Variants in PTTG1IP2 observed in about 807,000 individuals in gnomAD.
The protein encoded by PTTG1IP2 is PTTG1IP family member 2.
At chr7:90,492,884 A>G (rs1320003907) in intron 5 of PTTG1IP2, among the ~76,000 whole-genome samples, 2 of 152,036 alleles carry the variant, frequency 1.3e-5, no homozygotes, top group Non-Finnish European at 2.9e-5. Context: ...CCTCAACTCA[A>G]TTCTAAACTT....
chr7:90,493,332 T>C (rs1315331412), intron 5 of PTTG1IP2, among the ~76,000 whole-genome samples: 1 of 152,160 alleles, frequency 6.6e-6, no homozygotes, highest in African/African-American at 2.4e-5. Flanking sequence ...CTAGACCTTG[T>C]TATGTAGAAA....
intron 1 of PTTG1IP2, among the ~76,000 whole-genome samples, chr7:90,474,010 A>G (rs1199625195): frequency 1.3e-5 from 2 of 152,238 alleles, no homozygotes; most frequent in African/African-American, 4.8e-5. Context: ...TTGCTTAATG[A>G]CAGAGGTGTA....
intron 2 of PTTG1IP2, 140 bp downstream of exon 2, chr7:90,479,414 A>G (rs933957260): frequency 3.9e-5 from 6 of 152,502 alleles, no homozygotes; most frequent in African/African-American, 1.2e-4. Context: ...ATTAAGATCT[A>G]TTTATGCATT....
chr7:90,511,248 A>G (rs940979242), intron 6 of PTTG1IP2, among the ~76,000 whole-genome samples: 31 of 152,302 alleles, frequency 2.0e-4, no homozygotes, highest in African/African-American at 7.5e-4. Context: ...AAAAACTTAA[A>G]ATCTAGTTGC....
At chr7:90,512,896 T>C (rs1171610782) in intron 6 of PTTG1IP2, among the ~76,000 whole-genome samples, 1 of 152,236 alleles carries the variant, frequency 6.6e-6, no homozygotes, top group Admixed American at 6.5e-5. Flanking sequence ...TTGGAATAGA[T>C]GGTTTCTTTA....
intron 6 of PTTG1IP2, among the ~76,000 whole-genome samples, chr7:90,501,662 T>C (rs935020137): frequency 6.6e-6 from 1 of 152,136 alleles, no homozygotes; most frequent in East Asian, 1.9e-4. Context: ...GAGTGAGACC[T>C]TGTCTCAAGA....
chr7:90,487,296 A>G (rs1378914792), intron 2 of PTTG1IP2, 31 bp from the exon 3 acceptor site: 1 of 152,624 alleles, frequency 6.6e-6, no homozygotes, highest in Non-Finnish European at 1.5e-5. Flanking sequence ...ATACTTGGAC[A>G]CCACTTTTAT....
In PTTG1IP2 at chr7:90,492,300, A is replaced by G. The variant is rs187260571; in HGVS notation, c.442A>G (p.Ser148Gly). ...AGAAACAGTTCCTATTCACGACCGCAGTGCTACTGGCAAGTGTTTTCGTTT... is the reference window on the plus strand; with the variant it reads ...AGAAACAGTTCCTATTCACGACCGCGGTGCTACTGGCAAGTGTTTTCGTTT... ...RRETVPIHDR[S>G]ATVYDE The change falls in exon 5 of 7, where the codon AGT becomes GGT. Residue 148 changes from serine (S) to glycine (G), a missense_variant. By Grantham distance (56) the Ser-to-Gly change is moderately conservative. Coordinates refer to ENST00000509356, the MANE Select transcript of PTTG1IP2 (RefSeq NM_001365443.2). The G allele has an allele frequency of 9.2e-5, 14 of 152,288 alleles. No individual in the cohort carries two copies. Among genetic ancestry groups the G allele is most frequent in the South Asian group, 6.2e-4 (3 of 4,826 alleles). The allele number at this position is 152,288 out of a possible 1,614,324, so 9.4% of individuals were successfully genotyped here.
chr7:90,492,813 G>C (rs1470467365), intron 5 of PTTG1IP2, among the ~76,000 whole-genome samples: 1 of 152,154 alleles, frequency 6.6e-6, no homozygotes, highest in Non-Finnish European at 1.5e-5. Flanking sequence ...AATTCTTGCA[G>C]GCTTTCCCAG....
chr7:90,472,232 C>A (rs1402179197), intron 1 of PTTG1IP2, among the ~76,000 whole-genome samples: 1 of 151,144 alleles, frequency 6.6e-6, no homozygotes, highest in East Asian at 1.9e-4. Context: ...ACTATGTAAA[C>A]CCTGCACAGC....
At chr7:90,499,008 T>C (rs1029217096) in intron 6 of PTTG1IP2, among the ~76,000 whole-genome samples, 3 of 152,138 alleles carry the variant, frequency 2.0e-5, no homozygotes, top group Admixed American at 2.0e-4. Context: ...CTCACTACCA[T>C]GCCTGGCTAA....
chr7:90,495,918 C>G (rs1355611595), intron 6 of PTTG1IP2, among the ~76,000 whole-genome samples: 1 of 152,114 alleles, frequency 6.6e-6, no homozygotes, highest in Non-Finnish European at 1.5e-5. Flanking sequence ...TTTATAGAAA[C>G]TTTTTAGAAG....
rs545157486 is a variant in PTTG1IP2 at position 90,512,668 on chromosome 7, T to G, written c.*51-610T>G. 3.3e-5 allele frequency among the ~76,000 whole-genome samples: 5 copies of G among 152,158 alleles called. No individual in the cohort carries two copies. The South Asian group carries it at 1.0e-3, about 32-fold the overall frequency. On this transcript the variant is annotated intron_variant, in intron 6 of 6. Coordinates refer to ENST00000509356, the MANE Select transcript of PTTG1IP2 (RefSeq NM_001365443.2). ...GTAGAGAAATATTTGGAAGTAGACATTTGAGATGGAAGAGCAAAGACATGG... is the reference window on the plus strand; with the variant it reads ...GTAGAGAAATATTTGGAAGTAGACAGTTGAGATGGAAGAGCAAAGACATGG...
chr7:90,510,100 AATG>A (rs1232432478), intron 6 of PTTG1IP2, among the ~76,000 whole-genome samples: 2 of 152,180 alleles, frequency 1.3e-5, no homozygotes, highest in Non-Finnish European at 2.9e-5. Context: ...TCATCTGAGC[AATG>A]AATGTCCAGG....
At chr7:90,494,875 T>C (rs1455469776) in intron 6 of PTTG1IP2, among the ~76,000 whole-genome samples, 1 of 152,158 alleles carries the variant, frequency 6.6e-6, no homozygotes, top group Non-Finnish European at 1.5e-5. Context: ...CTGGGCATGG[T>C]TGCATGTGCC....
At chr7:90,502,135 T>C (rs571907337) in intron 6 of PTTG1IP2, among the ~76,000 whole-genome samples, 1 of 152,220 alleles carries the variant, frequency 6.6e-6, no homozygotes, top group South Asian at 2.1e-4. Context: ...TTCAGTCACA[T>C]CTTCAGGCTC....
intron 6 of PTTG1IP2, among the ~76,000 whole-genome samples, chr7:90,495,761 G>C (rs1797984488): frequency 1.3e-5 from 2 of 152,160 alleles, no homozygotes; most frequent in Non-Finnish European, 1.5e-5. Context: ...CCCATTTTAA[G>C]AGTGAAAGGG....
In PTTG1IP2 at chr7:90,497,713, TATAAAAAAAAAA is replaced by T. The variant is rs1217062025; in HGVS notation, c.*50+3285_*50+3296del. 9.5e-4 allele frequency among the ~76,000 whole-genome samples: 47 copies of T among 49,594 alleles called. 2 individuals carry two copies. The highest frequency in any genetic ancestry group is 4.3e-3 in the African/African-American group (42 of 9,822). 32.5% of individuals were successfully genotyped at this position (49,594 alleles called of 152,430 possible). ...GCCTGAGCGACAGAGAAAGACCCTGTATAAAAAAAAAAAAAAAAAAAAAAAAAAAAAGAAGAA... is the reference window on the plus strand; with the variant it reads ...GCCTGAGCGACAGAGAAAGACCCTGTAAAAAAAAAAAAAAAAAAAGAAGAA... On this transcript the variant is annotated intron_variant, in intron 6 of 6. Coordinates refer to ENST00000509356, the MANE Select transcript of PTTG1IP2 (RefSeq NM_001365443.2).
At chr7:90,496,214 G>T (rs1797988694) in intron 6 of PTTG1IP2, among the ~76,000 whole-genome samples, 1 of 152,186 alleles carries the variant, frequency 6.6e-6, no homozygotes, top group African/African-American at 2.4e-5. Context: ...GAGAAGAGTT[G>T]AGAAGGATTG....
Sources: allele counts gnomAD v4.1 joint callset (sites outside exome capture counted in the v4.1 genomes callset), GRCh38; gene constraint gnomAD v4.1.1; transcripts MANE v1.5; gene names NCBI Gene and HGNC (gene_info 2026-07-23, HGNC 2026-07-21).